The following RFC1 variants were observed in gnomAD, a reference collection of about 807,000 sequenced individuals.
RFC1 encodes the protein A1 140 kDa subunit.
RFC1 carries 37 observed loss-of-function variants against 137.4 expected under a neutral mutation model. The observed-to-expected ratio is 0.27, with a 90% CI of 0.21 to 0.35. The LOEUF is 0.35. Among genes scored for constraint, RFC1 ranks in the 10% least tolerant of loss-of-function variants. RFC1 has a pLI of 1.00. For missense variants in RFC1, 1,205 were observed against 1,358.5 expected (o/e 0.89, Z 1.78); for synonymous variants, 429 against 455.7 (o/e 0.94, Z 0.75).
At chr4:39,321,220 C>G (rs751414940) in intron 8 of RFC1, 67 bp downstream of exon 8, 16 of 1,218,888 alleles carry the variant, frequency 1.3e-5, no homozygotes, top group Non-Finnish European at 1.9e-5. Flanking sequence ...GATACTTAAA[C>G]AAGATTATCA....
intron 3 of RFC1, 143 bp downstream of exon 3, chr4:39,345,258 G>T: frequency 1.7e-6 from 1 of 586,964 alleles, no homozygotes; most frequent in Non-Finnish European, 2.9e-6. Context: ...CAAGTCATCT[G>T]CCTGCCTTTG....
chr4:39,327,546 ATCT>A lies in RFC1; in HGVS notation c.539_541del (p.Lys180del), dbSNP rs2109687093. 6.2e-7 allele frequency: 1 copy of A among 1,610,908 alleles called. No homozygotes were observed. The stretch of plus-strand genomic sequence containing the variant: ...TACCTCTTTTCTTTTGCTTGCCACC[ATCT>A]TCTTATTAGATCTTTGGACACTTCC... On this transcript the variant is annotated inframe_deletion, in exon 5 of 25. Coordinates refer to ENST00000349703, the MANE Select transcript of RFC1 (RefSeq NM_002913.5).
rs1737497871 is a variant in RFC1, at chr4:39,288,627, A to T, written c.*134T>A. 1.5e-6 allele frequency: 1 copy of T among 654,830 alleles called. No homozygotes were observed. Among genetic ancestry groups the T allele is most frequent in the Non-Finnish European group, 2.7e-6 (1 of 364,142 alleles). 40.6% of individuals were successfully genotyped at this position (654,830 alleles called of 1,614,324 possible). On this transcript the variant is annotated 3_prime_UTR_variant, in exon 25 of 25. Coordinates refer to ENST00000349703, the MANE Select transcript of RFC1 (RefSeq NM_002913.5). ...TACCCTTCTAGCCATACCACCCTTT[A>T]TTTATAATGGGACACCAGGTCATCC...
intron 6 of RFC1, among the ~76,000 whole-genome samples, chr4:39,324,763 G>A (rs1739679361): frequency 6.6e-6 from 1 of 152,164 alleles, no homozygotes; most frequent in Admixed American, 6.5e-5. Context: ...GCCTATACTT[G>A]CCATTCTAAT....
intron 2 of RFC1, among the ~76,000 whole-genome samples, chr4:39,348,391 C>A (rs186512276): frequency 9.0e-6 from 1 of 111,666 alleles, no homozygotes; most frequent in Non-Finnish European, 1.9e-5. Flanking sequence ...CCACTGCACT[C>A]CAGTCTGGGC....
chr4:39,302,965 A>G, intron 16 of RFC1, 91 bp from the exon 17 acceptor site: 1 of 1,449,368 alleles, frequency 6.9e-7, no homozygotes, highest in Non-Finnish European at 9.7e-7. Flanking sequence ...CTCCTCAGCA[A>G]CATGCCTTAA....
rs2066785 is a variant in RFC1 at position 39,299,980 on chromosome 4, T to TA, written c.2808+40dup. ...GCTAAAAGCTATTTAGTTCTCTTAG[T>TA]AAAAGCAGAGCCTGCATGTTAGGGA... On this transcript the variant is annotated intron_variant, in intron 21 of 24. Transcript: ENST00000349703. The TA allele has an allele frequency of 7.3e-3, 8,524 of 1,160,658 alleles. 469 individuals are homozygous for TA. In the African/African-American group the frequency reaches 0.11, roughly 15 times the overall value. 71.9% of individuals were successfully genotyped at this position (1,160,658 alleles called of 1,614,324 possible).
chr4:39,317,926 G>A (rs1739323988), intron 9 of RFC1: 1 of 152,294 alleles, frequency 6.6e-6, no homozygotes, highest in African/African-American at 2.4e-5. Flanking sequence ...GGAGGCCGAG[G>A]TGGGTGGATC....
At chr4:39,351,281 A>ACTTAC in intron 2 of RFC1, 67 bp downstream of exon 2, 2 of 547,972 alleles carry the variant, frequency 3.6e-6, no homozygotes, top group South Asian at 2.9e-5. Context: ...AAAAAAAAAA[A>ACTTAC]AAAACTTATA....
Position 39,311,440 on chromosome 4 carries a change from C to A in RFC1, c.1488+5G>T. The A allele has an allele frequency of 6.2e-7, 1 of 1,608,318 alleles. No individual in the cohort carries two copies. The highest frequency in any genetic ancestry group is 8.5e-7 in the Non-Finnish European group (1 of 1,175,144). ...CAACTTAAATCACATTCATTTTATA[C>A]GAACCTCAGTTTCAACTGCTATTTC... On this transcript the variant is annotated splice_donor_5th_base_variant and intron_variant, in intron 12 of 24. Coordinates refer to ENST00000349703, the MANE Select transcript of RFC1 (RefSeq NM_002913.5).
At chr4:39,330,735 A>G (rs1037825448) in intron 4 of RFC1, among the ~76,000 whole-genome samples, 1 of 152,248 alleles carries the variant, frequency 6.6e-6, no homozygotes, top group African/African-American at 2.4e-5. Context: ...AAATTAAAAC[A>G]TACTTGTTTC....
intron 4 of RFC1, among the ~76,000 whole-genome samples, chr4:39,339,374 G>C (rs566011271): frequency 1.3e-5 from 2 of 152,158 alleles, no homozygotes; most frequent in African/African-American, 4.8e-5. Context: ...TGGTGTATAG[G>C]TTCCCTTTTC....
At chr4:39,364,771 T>C (rs1741937407) in intron 1 of RFC1, among the ~76,000 whole-genome samples, 2 of 152,208 alleles carry the variant, frequency 1.3e-5, no homozygotes, top group South Asian at 2.1e-4. Flanking sequence ...TGGCAGCTAT[T>C]ATTTTCCCCT....
At position 39,300,064 on chromosome 4, in the gene RFC1, C is replaced by G; in HGVS notation, c.2765G>C (p.Ser922Thr). Residue 922 changes from serine to threonine, a missense_variant, in exon 21 of 25, where the codon AGC (serine) becomes ACC (threonine). Ser to Thr is a moderately conservative substitution (Grantham distance 58). Around this residue, in one of 3 missense-constraint regions of RFC1, gnomAD observed 237 missense variants for 304.2 expected, o/e 0.78. Coordinates refer to ENST00000349703, the MANE Select transcript of RFC1 (RefSeq NM_002913.5). ...DSICDGDLVD[S>T]QIRSKQNWSL... ...CCAGTTTTGCTTACTCCGGATCTGG[C>G]TGTCCACTAGGTCACCATCGCATAT... The G allele has an allele frequency of 6.2e-7, 1 of 1,614,190 alleles. No homozygotes were observed. Among genetic ancestry groups the G allele is most frequent in the African/African-American group, 1.3e-5 (1 of 75,060 alleles).
intron 7 of RFC1, 79 bp downstream of exon 7, chr4:39,323,261 G>T: frequency 2.0e-6 from 2 of 986,186 alleles, no homozygotes; most frequent in Non-Finnish European, 2.9e-6. Context: ...TCATGTTTTG[G>T]CTAGAGCCTA....
At chr4:39,327,476 G>T in intron 5 of RFC1, 48 bp downstream of exon 5, 3 of 1,172,468 alleles carry the variant, frequency 2.6e-6, no homozygotes, top group East Asian at 2.4e-5. Flanking sequence ...TAATATTAGT[G>T]AATGGGTATA....
intron 19 of RFC1, among the ~76,000 whole-genome samples, chr4:39,301,393 G>A (rs954125890): frequency 1.3e-5 from 2 of 152,182 alleles, no homozygotes; most frequent in East Asian, 1.9e-4. Context: ...ACCACACAAC[G>A]TACAACACCA....
In RFC1 at chr4:39,308,507, T is replaced by A; in HGVS notation, c.1885+129A>T. On this transcript the variant is annotated intron_variant, in intron 13 of 24. Coordinates refer to ENST00000349703, the MANE Select transcript of RFC1 (RefSeq NM_002913.5). ...AGCAGGGTCTAGTACTGCACCTGGG[T>A]TCAGATCAAGCTCTTAATAAATGCT... The A allele has an allele frequency of 2.3e-6, 3 of 1,308,242 alleles. No homozygotes were observed. In the South Asian group the frequency reaches 4.3e-5, roughly 19 times the overall value. The allele number at this position is 1,308,242 out of a possible 1,614,324, so 81.0% of individuals were successfully genotyped here. A position where few individuals can be genotyped will look rare whatever the true frequency, so the allele number is the denominator to read the frequency against.
intron 1 of RFC1, among the ~76,000 whole-genome samples, chr4:39,352,071 G>A (rs1578169046): frequency 6.6e-6 from 1 of 151,884 alleles, no homozygotes; most frequent in East Asian, 1.9e-4. Flanking sequence ...TTTTGCTAAT[G>A]ACATCAGAGT....
Sources: gnomAD v4.1 joint callset for allele counts (sites outside exome capture counted in the v4.1 genomes callset) on GRCh38, gnomAD v4.1.1 for gene constraint, gnomAD v4.1.1 regional missense constraint, MANE v1.5 for transcripts, NCBI Gene and HGNC (gene_info 2026-07-23, HGNC 2026-07-21) for gene names.